Variants in DAB1 observed in about 807,000 individuals in gnomAD.
DAB1 encodes disabled homolog 1.
In DAB1, 15 loss-of-function variants were observed where a neutral mutation model predicts 64.6. That is an observed-to-expected ratio of 0.23 (90% CI 0.16 to 0.36). The LOEUF is 0.36. Ranked by LOEUF, DAB1 falls within the 10% of genes least tolerant of loss-of-function variation. DAB1 has a pLI of 1.00. For missense variants in DAB1, 596 were observed against 706.7 expected, an observed-to-expected ratio of 0.84 and a Z score of 1.78; for synonymous variants, 235 against 251.9, an observed-to-expected ratio of 0.93 and a Z score of 0.64.
At chr1:57,068,063 C>T (rs375531965) in intron 8 of DAB1, among the ~76,000 whole-genome samples, 4 of 152,196 alleles carry the variant, frequency 2.6e-5, no homozygotes, top group Admixed American at 6.5e-5. Context: ...ACCCCGCCCC[C>T]ACTGCAATCC....
intron 6 of DAB1, among the ~76,000 whole-genome samples, chr1:57,708,011 G>A (rs1275882160): frequency 6.6e-6 from 1 of 152,150 alleles, no homozygotes; most frequent in East Asian, 1.9e-4. Context: ...GTTAGGGAAG[G>A]GGTCATATGG....
intron 7 of DAB1, among the ~76,000 whole-genome samples, chr1:57,629,877 G>T (rs988409761): frequency 5.3e-5 from 8 of 151,790 alleles, no homozygotes; most frequent in Admixed American, 2.0e-4. Context: ...TTACATTAAG[G>T]CTCCTCTCAG....
At chr1:57,247,474 C>T (rs1469346125) in intron 2 of DAB1, among the ~76,000 whole-genome samples, 1 of 152,132 alleles carries the variant, frequency 6.6e-6, no homozygotes, top group Admixed American at 6.6e-5. Flanking sequence ...TCAGTTAAAC[C>T]TGTTTTCTTC....
chr1:57,543,412 G>T, intron 7 of DAB1, among the ~76,000 whole-genome samples: 1 of 152,062 alleles, frequency 6.6e-6, no homozygotes, highest in Admixed American at 6.5e-5. Context: ...ATGTCCATCC[G>T]ACTCATTAGT....
chr1:57,506,370 C>T (rs530625792), intron 7 of DAB1, among the ~76,000 whole-genome samples: 40 of 152,288 alleles, frequency 2.6e-4, no homozygotes, highest in African/African-American at 8.7e-4. Context: ...ATTCACACTG[C>T]GTTATCAGAG....
At chr1:57,215,457 C>A (rs1666353338) in intron 2 of DAB1, among the ~76,000 whole-genome samples, 1 of 152,166 alleles carries the variant, frequency 6.6e-6, no homozygotes, top group East Asian at 1.9e-4. Context: ...ATTCTGCACC[C>A]TGAATTATGT....
At chr1:57,546,702 C>T (rs945599270) in intron 7 of DAB1, among the ~76,000 whole-genome samples, 1 of 152,142 alleles carries the variant, frequency 6.6e-6, no homozygotes, top group African/African-American at 2.4e-5. Flanking sequence ...GCACATAAAA[C>T]GGTGCAGTCA....
intron 9 of DAB1, among the ~76,000 whole-genome samples, chr1:57,053,631 A>G (rs888964830): frequency 2.1e-5 from 3 of 142,266 alleles, no homozygotes; most frequent in Admixed American, 7.3e-5. Context: ...TACTATGCCA[A>G]CCATCTAAGA....
chr1:57,514,715 A>G (rs1436111118), intron 7 of DAB1, among the ~76,000 whole-genome samples: 5 of 152,240 alleles, frequency 3.3e-5, no homozygotes, highest in Admixed American at 1.3e-4. Context: ...AAGTGCTGGC[A>G]ATACCAAAGA....
At chr1:58,539,835 C>T (rs936806597) in intron 1 of DAB1, among the ~76,000 whole-genome samples, 3 of 152,066 alleles carry the variant, frequency 2.0e-5, no homozygotes, top group Non-Finnish European at 4.4e-5. Context: ...CTAGGTGGAG[C>T]CCAGTGGTTC....
chr1:58,393,129 T>C lies in DAB1; in HGVS notation n.258-49726A>G, dbSNP rs1018894734. ...CTATTTACTTCCAAATCTTTTTTTT[T>C]TTTTTTTTTTTTTTATAGATACAGG... On this transcript the variant is annotated intron_variant and non_coding_transcript_variant, in intron 3 of 20. Coordinates refer to the DAB1 transcript ENST00000485760. Among the ~76,000 whole-genome samples, 14 of 150,484 alleles carry C rather than the reference T, an allele frequency of 9.3e-5. No homozygotes were observed. In the East Asian group the frequency reaches 2.7e-3, roughly 29 times the overall value.
At position 57,909,213 on chromosome 1, in the gene DAB1, T is replaced by A. The variant is rs373207030; in HGVS notation, n.388-25051A>T. Reference sequence around the variant, plus strand: ...CAGGCTCCAGTGTGTTGTATGAACATGGGTGAGTCACATTTCCACTCTGAG... The same window carrying A: ...CAGGCTCCAGTGTGTTGTATGAACAAGGGTGAGTCACATTTCCACTCTGAG... On this transcript the variant is annotated intron_variant and non_coding_transcript_variant, in intron 5 of 20. Transcript: ENST00000485760. Among the ~76,000 whole-genome samples, 19 of 152,224 alleles carry A rather than the reference T, an allele frequency of 1.2e-4. 2 individuals are homozygous for A. The highest frequency in any genetic ancestry group is 4.6e-4 in the African/African-American group (19 of 41,520).
At chr1:58,324,619 A>G (rs1345444458) in intron 4 of DAB1, among the ~76,000 whole-genome samples, 1 of 152,182 alleles carries the variant, frequency 6.6e-6, no homozygotes, top group Admixed American at 6.5e-5. Context: ...TGGGGAAACA[A>G]TTTCAACCCA....
intron 1 of DAB1, among the ~76,000 whole-genome samples, chr1:57,831,537 CTTTT>C (rs5774372): frequency 1.8e-5 from 2 of 112,346 alleles, no homozygotes; most frequent in South Asian, 3.0e-4. Context: ...ATTTTCTTCT[CTTTT>C]TTTTTTTTTT....
At chr1:58,293,835 G>A (rs1661905182) in intron 4 of DAB1, among the ~76,000 whole-genome samples, 1 of 152,234 alleles carries the variant, frequency 6.6e-6, no homozygotes, top group South Asian at 2.1e-4. Flanking sequence ...ATGTCCCAAT[G>A]TGAAGTAATA....
At chr1:58,299,326 GGTATGATGGTTTACTTCA>G (rs1305616963) in intron 4 of DAB1, among the ~76,000 whole-genome samples, 1 of 152,174 alleles carries the variant, frequency 6.6e-6, no homozygotes, top group Non-Finnish European at 1.5e-5. Flanking sequence ...TAAGCGAGGA[GGTATGATGGTTTACTTCA>G]GTGGTATCTA....
chr1:58,080,464 A>ATT (rs1649928129), intron 5 of DAB1, among the ~76,000 whole-genome samples: 3 of 152,352 alleles, frequency 2.0e-5, no homozygotes. Flanking sequence ...GAAAATAAAG[A>ATT]TTCCGCTGGA....
chr1:57,713,577 T>G (rs146236466), intron 6 of DAB1, among the ~76,000 whole-genome samples: 250 of 152,268 alleles, frequency 1.6e-3, no homozygotes, highest in African/African-American at 5.9e-3. Context: ...AAAATCCAAA[T>G]GCAAATTGGT....
At chr1:58,108,416 C>CAAAACTAACAAAAA (rs1178362090) in intron 5 of DAB1, among the ~76,000 whole-genome samples, 5 of 152,194 alleles carry the variant, frequency 3.3e-5, no homozygotes, top group African/African-American at 1.2e-4. Flanking sequence ...ACAAAACTAA[C>CAAAACTAACAAAAA]AATAGTGGAT....
Sources: allele counts gnomAD v4.1 joint callset (sites outside exome capture counted in the v4.1 genomes callset), GRCh38; gene constraint gnomAD v4.1.1; transcripts MANE v1.5; gene names NCBI Gene and HGNC (gene_info 2026-07-23, HGNC 2026-07-21).